The following COL4A4 variants were observed in gnomAD, a reference collection of about 807,000 sequenced individuals.
The protein encoded by COL4A4 is collagen alpha-4(IV) chain.
COL4A4 carries 105 observed loss-of-function variants against 192.9 expected under a neutral mutation model. That is an observed-to-expected ratio of 0.54 (90% CI 0.46 to 0.64). The LOEUF (loss-of-function observed/expected upper bound fraction) is 0.64, where lower values mean the gene tolerates loss of function less well. Ranked by LOEUF, COL4A4 falls within the 30% of genes least tolerant of loss-of-function variation. The pLI is 0.00. For synonymous variants in COL4A4, 762 were observed against 769.9 expected (o/e 0.99, Z 0.17); for missense variants, 1,967 against 2,169.3 (o/e 0.91, Z 1.85).
chr2:227,081,709 C>A (rs1419381669), intron 23 of COL4A4, among the ~76,000 whole-genome samples: 2 of 151,892 alleles, frequency 1.3e-5, no homozygotes, highest in African/African-American at 4.9e-5. Flanking sequence ...AAAACACTAC[C>A]TTTTAATATT....
At chr2:226,992,689 G>A in the COL4A4 span, among the ~76,000 whole-genome samples, 2 of 152,194 alleles carry the variant, frequency 1.3e-5, no homozygotes, top group African/African-American at 2.4e-5. Flanking sequence ...AGATAGCAGT[G>A]AGCTTCCCAC....
the COL4A4 span, among the ~76,000 whole-genome samples, chr2:226,976,296 C>T: frequency 2.7e-5 from 4 of 147,812 alleles, no homozygotes; most frequent in South Asian, 9.0e-4. Context: ...TGCCCACCCC[C>T]CTGGAGACAC....
intron 4 of COL4A4, among the ~76,000 whole-genome samples, chr2:227,138,400 G>A (rs1159224685): frequency 2.0e-5 from 3 of 152,072 alleles, no homozygotes; most frequent in African/African-American, 4.8e-5. Flanking sequence ...TTGGGAGGCC[G>A]AGGCTGGCGG....
Position 227,060,116 on chromosome 2 carries a change from A to AAAAAAAC in COL4A4, c.2164+19_2164+20insGTTTTTT. On this transcript the variant is annotated intron_variant, in intron 27 of 47. Coordinates refer to ENST00000396625, the MANE Select transcript of COL4A4 (RefSeq NM_000092.5). ...TCCCAAAGCAGAAAAAAAAAAAAAA[A>AAAAAAAC]AAAAAAAAACCTCACTGACCAGGTG... 1 of 1,330,158 alleles carries AAAAAAAC rather than the reference A, an allele frequency of 7.5e-7. No individual in the cohort carries two copies. Among genetic ancestry groups the AAAAAAAC allele is most frequent in the Non-Finnish European group, 1.0e-6 (1 of 957,454 alleles). 82.4% of individuals were successfully genotyped at this position (1,330,158 alleles called of 1,614,324 possible).
intron 42 of COL4A4, among the ~76,000 whole-genome samples, chr2:227,026,378 G>A (rs1966858297): frequency 6.6e-6 from 1 of 151,912 alleles, no homozygotes; most frequent in South Asian, 2.1e-4. Flanking sequence ...GGCGCCTGTA[G>A]TCCCAGCTAC....
intron 1 of COL4A4, among the ~76,000 whole-genome samples, chr2:227,156,234 A>G (rs2064332607): frequency 6.6e-6 from 1 of 151,854 alleles, no homozygotes; most frequent in Non-Finnish European, 1.5e-5. Context: ...CCACATCTCT[A>G]CAAAAAAACA....
At chr2:227,158,958 G>A (rs2064579339) in intron 1 of COL4A4, among the ~76,000 whole-genome samples, 1 of 152,026 alleles carries the variant, frequency 6.6e-6, no homozygotes, top group Non-Finnish European at 1.5e-5. Context: ...TCATTCCTAG[G>A]TATTTACTTA....
At position 227,082,022 on chromosome 2, in the gene COL4A4, A is replaced by T. The variant is rs901350140; in HGVS notation, c.1696+93T>A. On this transcript the variant is annotated intron_variant, in intron 23 of 47. Coordinates refer to ENST00000396625, the MANE Select transcript of COL4A4 (RefSeq NM_000092.5). ...TCTCAACCATCCTAAATTGTATAGA[A>T]TTGATCTATGGTCACAGGGGAAATT... 3 of 1,080,482 alleles carry T rather than the reference A, an allele frequency of 2.8e-6. No individual in the cohort carries two copies. In the African/African-American group the frequency reaches 4.6e-5, roughly 17 times the overall value. 66.9% of individuals were successfully genotyped at this position (1,080,482 alleles called of 1,614,324 possible).
chr2:226,991,563 A>G, the COL4A4 span, among the ~76,000 whole-genome samples: 1 of 152,242 alleles, frequency 6.6e-6, no homozygotes, highest in Admixed American at 6.5e-5. Context: ...GATGTTAGAG[A>G]TGAACAATCA....
At chr2:227,013,276 TTCTC>T (rs991368691) in intron 44 of COL4A4, among the ~76,000 whole-genome samples, 3 of 152,228 alleles carry the variant, frequency 2.0e-5, no homozygotes, top group Non-Finnish European at 2.9e-5. Context: ...CTTTCTCTCT[TTCTC>T]TCTCTGTCTC....
intron 45 of COL4A4, among the ~76,000 whole-genome samples, chr2:227,011,504 C>T (rs1049488920): frequency 6.6e-6 from 1 of 152,236 alleles, no homozygotes; most frequent in African/African-American, 2.4e-5. Flanking sequence ...CAGCCCTCCT[C>T]ATTCGTTTCT....
chr2:227,071,542 C>A (rs1028359378), intron 25 of COL4A4, among the ~76,000 whole-genome samples: 1 of 150,644 alleles, frequency 6.6e-6, no homozygotes, highest in Non-Finnish European at 1.5e-5. Flanking sequence ...CACACTAGAG[C>A]AAATTAACTT....
rs200561315 is a variant in COL4A4, at chr2:227,058,998, G to A, written c.2383+407C>T. Among the ~76,000 whole-genome samples the A allele has an allele frequency of 1.5e-4, 23 of 152,126 alleles. No individual in the cohort carries two copies. In the East Asian group the frequency reaches 3.1e-3, roughly 21 times the overall value. On this transcript the variant is annotated intron_variant, in intron 28 of 47. Transcript: ENST00000396625. ...TGTCCTCTAGGCTCAGCTCATACCC[G>A]GCTCTCCCATAGAGTGTTCCCAGAT... is the stretch of plus-strand genomic sequence containing the variant.
rs780799934 is a variant in COL4A4, at chr2:227,012,170, T to C, written c.4333+11A>G. The stretch of plus-strand genomic sequence containing the variant: ...CAGTGTCAGAGAAAAGAGGAGTGAC[T>C]GAAACTCTACCTGGTCCTCCAGGGT... On this transcript the variant is annotated intron_variant, in intron 45 of 47. Coordinates refer to ENST00000396625, the MANE Select transcript of COL4A4 (RefSeq NM_000092.5). 2.5e-6 allele frequency: 4 copies of C among 1,596,986 alleles called. No individual in the cohort carries two copies. The highest frequency in any genetic ancestry group is 3.4e-6 in the Non-Finnish European group (4 of 1,164,310).
intron 4 of COL4A4, among the ~76,000 whole-genome samples, chr2:227,128,042 A>C (rs559467639): frequency 6.6e-6 from 1 of 152,218 alleles, no homozygotes; most frequent in Non-Finnish European, 1.5e-5. Context: ...GCCATGCTCC[A>C]TACCTTACCT....
chr2:226,998,625 C>T (rs555683431), downstream of COL4A4: 2 of 152,142 alleles, frequency 1.3e-5, no homozygotes, highest in East Asian at 3.9e-4. Context: ...GAATCACAGA[C>T]TCTCAGCTTA....
At chr2:227,041,848 G>GAGAAAGAAAGAGAAAGAAAGAA (rs1971310289) in intron 37 of COL4A4, among the ~76,000 whole-genome samples, 3 of 38,736 alleles carry the variant, frequency 7.7e-5, no homozygotes, top group South Asian at 9.4e-4. Flanking sequence ...AAGAAAGAAA[G>GAGAAAGAAAGAGAAAGAAAGAA]AGAAAGAAAG....
chr2:227,103,803 A>G (rs1421701802), intron 13 of COL4A4, among the ~76,000 whole-genome samples, 169 bp downstream of exon 13: 1 of 152,198 alleles, frequency 6.6e-6, no homozygotes. Context: ...TCCAAGCCTC[A>G]TTTTCAATGC....
At chr2:226,969,989 T>C in the COL4A4 span, among the ~76,000 whole-genome samples, 31 of 111,990 alleles carry the variant, frequency 2.8e-4, no homozygotes, top group South Asian at 7.6e-4. Context: ...TTTACAACTG[T>C]CCCCCCCCCC....
Sources: gnomAD v4.1 joint callset for allele counts (sites outside exome capture counted in the v4.1 genomes callset) on GRCh38, gnomAD v4.1.1 for gene constraint, MANE v1.5 for transcripts, NCBI Gene and HGNC (gene_info 2026-07-23, HGNC 2026-07-21) for gene names.